The following CHSY3 variants were observed in gnomAD, a reference collection of about 807,000 sequenced individuals.
The protein encoded by CHSY3 is chondroitin sulfate synthase 3, also known as N-acetylgalactosaminyl-proteoglycan 3-beta-glucuronosyltransferase 3.
In CHSY3, 35 loss-of-function variants were observed where a neutral mutation model predicts 67.2. The ratio of observed to expected loss-of-function variants is 0.52; its 90% confidence interval spans 0.40 to 0.69. The LOEUF (loss-of-function observed/expected upper bound fraction) is 0.69, where lower values mean the gene tolerates loss of function less well. CHSY3 is among the 30% of genes least tolerant of loss of function. The probability of loss-of-function intolerance (pLI) is 0.00; values close to 1 mark genes in which losing one functional copy is unlikely to be tolerated. For synonymous variants in CHSY3, 474 were observed against 434.7 expected, an observed-to-expected ratio of 1.09 and a Z score of -1.12; for missense variants, 1,069 against 1,138.5, an observed-to-expected ratio of 0.94 and a Z score of 0.88.
At chr5:130,147,205 A>G (rs937585295) in intron 2 of CHSY3, among the ~76,000 whole-genome samples, 3 of 152,172 alleles carry the variant, frequency 2.0e-5, no homozygotes, top group Non-Finnish European at 4.4e-5. Context: ...ATCGTTCCAT[A>G]TCAGATCTTG....
Position 129,905,330 on chromosome 5 carries a change from C to A in CHSY3, c.501C>A (p.Ala167=). The part of the protein sequence containing the change: ...SGDGGAAAPS[A]RPRDFLYVGV... ...ACGGGGGCGCTGCCGCCCCGAGCGC[C>A]CGACCCCGGGACTTCCTGTACGTGG... is the stretch of plus-strand genomic sequence containing the variant. The change falls in exon 1 of 3, where the codon GCC becomes GCA. Residue 167 remains alanine (A), a synonymous_variant. Coordinates refer to ENST00000305031, the MANE Select transcript of CHSY3 (RefSeq NM_175856.5). The A allele has an allele frequency of 6.5e-7, 1 of 1,534,214 alleles. No homozygotes were observed. Among genetic ancestry groups the A allele is most frequent in the Admixed American group, 2.0e-5 (1 of 49,972 alleles).
chr5:130,131,854 A>G lies in CHSY3; in HGVS notation c.1087-52375A>G, dbSNP rs547815020. 2.0e-4 allele frequency among the ~76,000 whole-genome samples: 31 copies of G among 152,084 alleles called. No individual in the cohort carries two copies. In the South Asian group the frequency reaches 6.2e-3, roughly 31 times the overall value. On this transcript the variant is annotated intron_variant, in intron 2 of 2. Coordinates refer to ENST00000305031, the MANE Select transcript of CHSY3 (RefSeq NM_175856.5). ...AACAATGTGTGTATGTGAGAAGCAA[A>G]CTCTCCTCTTCTTGTGGACTGCACA...
chr5:130,016,769 C>T (rs1351172425), intron 2 of CHSY3, among the ~76,000 whole-genome samples: 1 of 152,144 alleles, frequency 6.6e-6, no homozygotes, highest in Non-Finnish European at 1.5e-5. Flanking sequence ...GTATAGAGAT[C>T]ATATTACGTA....
chr5:129,938,910 T>A (rs1284345809), intron 2 of CHSY3, among the ~76,000 whole-genome samples: 1 of 152,222 alleles, frequency 6.6e-6, no homozygotes, highest in Non-Finnish European at 1.5e-5. Context: ...TGCTTCCAAT[T>A]TTCAGGTATC....
At chr5:130,131,206 A>G (rs1320105907) in intron 2 of CHSY3, among the ~76,000 whole-genome samples, 1 of 152,190 alleles carries the variant, frequency 6.6e-6, no homozygotes, top group Non-Finnish European at 1.5e-5. Context: ...CAAGTTGGAT[A>G]CTACAGTGTG....
At chr5:129,987,073 T>G (rs915877242) in intron 2 of CHSY3, among the ~76,000 whole-genome samples, 3 of 152,236 alleles carry the variant, frequency 2.0e-5, no homozygotes, top group African/African-American at 2.4e-5. Context: ...AAATTTTGTT[T>G]CATTAAAGTT....
chr5:130,166,545 A>G (rs1233724908), intron 2 of CHSY3, among the ~76,000 whole-genome samples: 1 of 152,166 alleles, frequency 6.6e-6, no homozygotes, highest in Non-Finnish European at 1.5e-5. Context: ...TGACTTTAAA[A>G]AGATTAGGCT....
intron 2 of CHSY3, among the ~76,000 whole-genome samples, chr5:130,062,102 A>G (rs532670927): frequency 4.0e-5 from 6 of 151,744 alleles, no homozygotes; most frequent in Admixed American, 3.9e-4. Context: ...ACTCATGTTC[A>G]TTGCTGTCCT....
At chr5:130,088,265 C>T (rs1766731775) in intron 2 of CHSY3, among the ~76,000 whole-genome samples, 1 of 151,688 alleles carries the variant, frequency 6.6e-6, no homozygotes, top group Admixed American at 6.6e-5. Flanking sequence ...CATAAAAACC[C>T]TGGAAGAAAA....
chr5:129,982,374 A>T (rs1763046077), intron 2 of CHSY3, among the ~76,000 whole-genome samples: 2 of 152,236 alleles, frequency 1.3e-5, no homozygotes, highest in South Asian at 4.1e-4. Flanking sequence ...AATTTTTTTA[A>T]CATAGGAGAA....
intron 2 of CHSY3, among the ~76,000 whole-genome samples, chr5:130,117,272 T>A (rs1767840902): frequency 6.6e-6 from 1 of 152,202 alleles, no homozygotes; most frequent in Admixed American, 6.5e-5. Flanking sequence ...ATGTGTTGGA[T>A]GTTACTAATC....
intron 2 of CHSY3, among the ~76,000 whole-genome samples, chr5:130,035,512 C>A (rs1764837441): frequency 6.6e-6 from 1 of 152,134 alleles, no homozygotes; most frequent in Non-Finnish European, 1.5e-5. Context: ...TAAAGTAAAG[C>A]AACATGAAGC....
intron 1 of CHSY3, among the ~76,000 whole-genome samples, chr5:129,907,548 A>G (rs1417517930): frequency 6.6e-6 from 1 of 152,200 alleles, no homozygotes; most frequent in African/African-American, 2.4e-5. Context: ...TTTTCTAAAA[A>G]GGTGCCTTCC....
chr5:130,148,487 G>T (rs1385600384), intron 2 of CHSY3, among the ~76,000 whole-genome samples: 1 of 152,144 alleles, frequency 6.6e-6, no homozygotes, highest in Non-Finnish European at 1.5e-5. Flanking sequence ...TTCCACAATG[G>T]TTAAAGCTAA....
chr5:130,007,426 A>G (rs1209137659), intron 2 of CHSY3, among the ~76,000 whole-genome samples: 1 of 152,066 alleles, frequency 6.6e-6, no homozygotes, highest in Non-Finnish European at 1.5e-5. Context: ...GGAAGGAGGA[A>G]GGACTCAGAT....
At chr5:130,013,417 A>G (rs1764123904) in intron 2 of CHSY3, among the ~76,000 whole-genome samples, 1 of 152,206 alleles carries the variant, frequency 6.6e-6, no homozygotes, top group Non-Finnish European at 1.5e-5. Context: ...GAGATTCTCC[A>G]TGAGGGCTCT....
At chr5:130,056,487 GAATC>G (rs1349441942) in intron 2 of CHSY3, among the ~76,000 whole-genome samples, 4 of 152,158 alleles carry the variant, frequency 2.6e-5, no homozygotes, top group Non-Finnish European at 4.4e-5. Context: ...ATTTCAAAAT[GAATC>G]AAAGATGAAT....
Position 130,010,174 on chromosome 5 carries a change from A to C in CHSY3, c.1086+101814A>C, listed in dbSNP as rs557589439. Among the ~76,000 whole-genome samples the C allele has an allele frequency of 1.6e-4, 24 of 152,280 alleles. No individual in the cohort carries two copies. The South Asian group carries it at 5.0e-3, about 32-fold the overall frequency. On this transcript the variant is annotated intron_variant, in intron 2 of 2. Transcript: ENST00000305031. Reference sequence around the variant, plus strand: ...GAACATTCCATCCAACAAAAAGAGAATATATATTCTTCTCATATGCACATG... The same window carrying C: ...GAACATTCCATCCAACAAAAAGAGACTATATATTCTTCTCATATGCACATG...
Position 129,904,684 on chromosome 5 carries a change from TC to T in CHSY3, c.-145del. ...CGGCAGTCGAGGCGTCCGCGGCGCTTCGACCTCCAGCCGGTGTCGGCGCCTA... is the reference window on the plus strand; with the variant it reads ...CGGCAGTCGAGGCGTCCGCGGCGCTTGACCTCCAGCCGGTGTCGGCGCCTA... On this transcript the variant is annotated 5_prime_UTR_variant, in exon 1 of 3. Transcript: ENST00000305031. 1 of 1,189,098 alleles carries T rather than the reference TC, an allele frequency of 8.4e-7. No individual in the cohort carries two copies. Among genetic ancestry groups the T allele is most frequent in the Non-Finnish European group, 1.0e-6 (1 of 954,902 alleles). The allele number at this position is 1,189,098 out of a possible 1,614,324, so 73.7% of individuals were successfully genotyped here.
Sources: gnomAD v4.1 joint callset for allele counts (sites outside exome capture counted in the v4.1 genomes callset) on GRCh38, gnomAD v4.1.1 for gene constraint, MANE v1.5 for transcripts, NCBI Gene and HGNC (gene_info 2026-07-23, HGNC 2026-07-21) for gene names.